Variants in MYO1F observed in about 807,000 individuals in gnomAD.
MYO1F encodes myosin IF.
A neutral mutation model predicts 146.6 loss-of-function variants in MYO1F; 60 were observed. That is an observed-to-expected ratio of 0.41 (90% CI 0.33 to 0.51). The LOEUF is 0.51. MYO1F is among the 20% of genes least tolerant of loss of function. The pLI, the probability that MYO1F is intolerant of heterozygous loss-of-function variation, is 0.25. For missense variants in MYO1F, 1,274 were observed against 1,534.3 expected, an observed-to-expected ratio of 0.83 and a Z score of 2.83; for synonymous variants, 602 against 602.1, an observed-to-expected ratio of 1.00 and a Z score of 0.00.
intron 8 of MYO1F, 68 bp downstream of exon 8, chr19:8,551,672 G>T: frequency 6.2e-7 from 1 of 1,610,230 alleles, no homozygotes; most frequent in Admixed American, 1.7e-5. Flanking sequence ...TTCCTAATTT[G>T]TAACTCAGGA....
chr19:8,564,444 A>T (rs56184962), intron 1 of MYO1F, among the ~76,000 whole-genome samples: 1 of 151,764 alleles, frequency 6.6e-6, no homozygotes, highest in Non-Finnish European at 1.5e-5. Context: ...GGGGTGCGTC[A>T]GGAGATGACA....
intron 12 of MYO1F, chr19:8,547,730 A>G: frequency 2.8e-6 from 1 of 361,986 alleles, no homozygotes; most frequent in Non-Finnish European, 5.2e-6. Flanking sequence ...GGGAGGGGCA[A>G]AATGAAGACA....
intron 1 of MYO1F, among the ~76,000 whole-genome samples, chr19:8,560,744 T>TTTTTTC (rs1974057820): frequency 6.8e-6 from 1 of 147,780 alleles, no homozygotes; most frequent in Admixed American, 6.8e-5. Flanking sequence ...CCTGGCTAAT[T>TTTTTTC]TTTTTTTTTT....
chr19:8,527,039 A>C (rs1202567613), intron 22 of MYO1F, 104 bp from the exon 23 acceptor site: 1 of 1,465,700 alleles, frequency 6.8e-7, no homozygotes, highest in African/African-American at 1.4e-5. Flanking sequence ...AGGGTCAGCT[A>C]AGGGCCAAGT....
chr19:8,550,404 T>C (rs754941160), intron 9 of MYO1F, 48 bp from the exon 10 acceptor site: 2 of 1,589,428 alleles, frequency 1.3e-6, no homozygotes, highest in African/African-American at 1.3e-5. Flanking sequence ...GGTTGGGCTC[T>C]TGTGCCTCCT....
At chr19:8,563,059 G>A (rs935982571) in intron 1 of MYO1F, among the ~76,000 whole-genome samples, 15 of 143,036 alleles carry the variant, frequency 1.0e-4, no homozygotes, top group Non-Finnish European at 1.5e-4. Context: ...TGGTTTGATC[G>A]CAGCTCACTG....
chr19:8,531,196 A>G (rs760499649), intron 19 of MYO1F, among the ~76,000 whole-genome samples: 2 of 150,786 alleles, frequency 1.3e-5, no homozygotes, highest in Non-Finnish European at 1.5e-5. Flanking sequence ...AAAAACATAA[A>G]ATTAGCCGGG....
At position 8,548,126 on chromosome 19, in the gene MYO1F, CAGA is replaced by C. The variant is rs1466418773; in HGVS notation, c.1183-7_1183-5del. The C allele has an allele frequency of 1.9e-6, 3 of 1,613,826 alleles. No homozygotes were observed. The highest frequency in any genetic ancestry group is 2.5e-6 in the Non-Finnish European group (3 of 1,179,960). ...AAAACTGCTCGAAGCCATTTTTCTG[CAGA>C]AGGAGGAAAAGGGTCCTTCCCTCAA... On this transcript the variant is annotated splice_polypyrimidine_tract_variant and splice_region_variant and intron_variant, in intron 11 of 27. Coordinates refer to ENST00000644032, the MANE Select transcript of MYO1F (RefSeq NM_012335.4).
chr19:8,568,877 C>T (rs144976209), intron 1 of MYO1F, among the ~76,000 whole-genome samples: 68 of 152,096 alleles, frequency 4.5e-4, no homozygotes, highest in Non-Finnish European at 8.8e-4. Flanking sequence ...GCCAAGATTA[C>T]GTCATTGCAC....
intron 16 of MYO1F, 103 bp downstream of exon 16, chr19:8,539,844 A>T: frequency 2.0e-6 from 2 of 1,018,962 alleles, no homozygotes; most frequent in Non-Finnish European, 1.5e-6. Flanking sequence ...CAGGATTGGT[A>T]GACAGACAGA....
At chr19:8,544,504 C>T (rs549684150) in intron 13 of MYO1F, 40 bp from the exon 14 acceptor site, 2 of 1,584,870 alleles carry the variant, frequency 1.3e-6, no homozygotes, top group South Asian at 2.2e-5. Context: ...TCAGTTTGGT[C>T]TGCCTTGCCT....
chr19:8,551,672 G>C, intron 8 of MYO1F, 68 bp downstream of exon 8: 1 of 1,610,232 alleles, frequency 6.2e-7, no homozygotes. Flanking sequence ...TTCCTAATTT[G>C]TAACTCAGGA....
chr19:8,522,321 C>T lies in MYO1F; in HGVS notation c.3220+56G>A, dbSNP rs182853755. 8.1e-4 allele frequency: 1,311 copies of T among 1,610,402 alleles called. 7 individuals carry two copies. In the African/African-American group the frequency reaches 0.011, roughly 14 times the overall value. On this transcript the variant is annotated intron_variant, in intron 27 of 27. Coordinates refer to ENST00000644032, the MANE Select transcript of MYO1F (RefSeq NM_012335.4). ...ACAGGCGTGAGCCACCGCGCCCGGC[C>T]GATGTCAGGGTTCTTACCACTCCCC...
At position 8,539,833 on chromosome 19, in the gene MYO1F, C is replaced by T. The variant is rs550160929; in HGVS notation, c.1692+114G>A. ...GACGTCACAGTCAGAGGCAGAAGCC[C>T]CAGGATTGGTAGACAGACAGACGTT... On this transcript the variant is annotated intron_variant, in intron 16 of 27. Coordinates refer to ENST00000644032, the MANE Select transcript of MYO1F (RefSeq NM_012335.4). 5.6e-4 allele frequency: 529 copies of T among 942,932 alleles called. 1 individual carries two copies. Among genetic ancestry groups the T allele is most frequent in the Non-Finnish European group, 2.9e-4 (177 of 601,814 alleles). 58.4% of individuals were successfully genotyped at this position (942,932 alleles called of 1,614,324 possible). A position where few individuals can be genotyped will look rare whatever the true frequency, so the allele number is the denominator to read the frequency against.
At chr19:8,538,363 T>G (rs1476461609) in intron 16 of MYO1F, among the ~76,000 whole-genome samples, 1 of 152,016 alleles carries the variant, frequency 6.6e-6, no homozygotes, top group African/African-American at 2.4e-5. Flanking sequence ...GGCTCTTGGC[T>G]CACTGCAACC....
chr19:8,559,542 C>A (rs985433600), intron 1 of MYO1F, among the ~76,000 whole-genome samples: 17 of 151,916 alleles, frequency 1.1e-4, no homozygotes, highest in Non-Finnish European at 2.1e-4. Context: ...GCTCCACTTC[C>A]CAGGGTTGAT....
chr19:8,521,830 T>A (rs976321345), intron 27 of MYO1F, among the ~76,000 whole-genome samples: 11 of 151,552 alleles, frequency 7.3e-5, no homozygotes, highest in Non-Finnish European at 1.6e-4. Flanking sequence ...TTTTTGTAAA[T>A]CTTTTGTAGA....
At chr19:8,555,586 C>T (rs748163405) in intron 2 of MYO1F, 73 bp downstream of exon 2, 9 of 1,602,520 alleles carry the variant, frequency 5.6e-6, no homozygotes, top group Non-Finnish European at 1.7e-6. Flanking sequence ...TGCTCCTTCA[C>T]CCTCCTCTCC....
chr19:8,532,140 A>G (rs1225094372), intron 19 of MYO1F, among the ~76,000 whole-genome samples: 2 of 151,780 alleles, frequency 1.3e-5, no homozygotes, highest in Non-Finnish European at 2.9e-5. Flanking sequence ...AAAAGAAAAG[A>G]ATGAAACTCC....
Sources: gnomAD v4.1 joint callset for allele counts (sites outside exome capture counted in the v4.1 genomes callset) on GRCh38, gnomAD v4.1.1 for gene constraint, MANE v1.5 for transcripts, NCBI Gene and HGNC (gene_info 2026-07-23, HGNC 2026-07-21) for gene names.